The following INTS9 variants were observed in gnomAD, a reference collection of about 807,000 sequenced individuals.
INTS9 encodes the protein protein related to CPSF subunits of 74 kDa.
Under a neutral mutation model 79.7 loss-of-function variants are expected in INTS9, and 55 were observed. The observed-to-expected ratio is 0.69, with a 90% CI of 0.56 to 0.86. The LOEUF (loss-of-function observed/expected upper bound fraction) is 0.86. Among genes scored for constraint, INTS9 ranks in the 40% least tolerant of loss-of-function variants. INTS9 has a pLI of 0.00. For missense variants in INTS9, 721 were observed against 831.5 expected (o/e 0.87, Z 1.64); for synonymous variants, 319 against 325.2 (o/e 0.98, Z 0.20).
At chr8:28,837,339 G>T (rs1314540126) in intron 5 of INTS9, among the ~76,000 whole-genome samples, 5 of 152,084 alleles carry the variant, frequency 3.3e-5, no homozygotes, top group South Asian at 2.1e-4. Context: ...CATCTTTGTG[G>T]CATCTTTCTA....
At chr8:28,785,154 CAGTT>C (rs1585348055) in intron 11 of INTS9, among the ~76,000 whole-genome samples, 3 of 152,240 alleles carry the variant, frequency 2.0e-5, no homozygotes, top group Non-Finnish European at 4.4e-5. Context: ...CACGCAATGT[CAGTT>C]AGTCCAATTA....
chr8:28,800,953 A>T (rs1313665772), intron 8 of INTS9, among the ~76,000 whole-genome samples: 1 of 152,222 alleles, frequency 6.6e-6, no homozygotes, highest in Non-Finnish European at 1.5e-5. Flanking sequence ...GAGGGCCAGT[A>T]AATTGTCCAG....
intron 13 of INTS9, 143 bp from the exon 14 acceptor site, chr8:28,776,069 C>T (rs139056710): frequency 2.3e-4 from 144 of 617,598 alleles, no homozygotes; most frequent in East Asian, 8.0e-4. Flanking sequence ...CTCTCAAGCC[C>T]AATGAACCGT....
intron 10 of INTS9, among the ~76,000 whole-genome samples, chr8:28,793,462 T>C (rs920850817): frequency 6.6e-6 from 1 of 152,182 alleles, no homozygotes; most frequent in African/African-American, 2.4e-5. Context: ...TTAGACAACA[T>C]GAGATTGGGC....
At chr8:28,863,868 G>T (rs1038411117) in intron 1 of INTS9, among the ~76,000 whole-genome samples, 1 of 152,178 alleles carries the variant, frequency 6.6e-6, no homozygotes, top group Non-Finnish European at 1.5e-5. Flanking sequence ...TATCTGCTGT[G>T]GGTATGGAGG....
chr8:28,793,824 G>A lies in INTS9; in HGVS notation c.1020C>T (p.Ser340=), dbSNP rs866219076. The A allele has an allele frequency of 6.2e-7, 1 of 1,608,162 alleles. No individual in the cohort carries two copies. Among genetic ancestry groups the A allele is most frequent in the Non-Finnish European group, 8.5e-7 (1 of 1,177,674 alleles). Residue 340 remains serine, a synonymous_variant, in exon 10 of 17, where the codon TCC becomes TCT. Coordinates refer to ENST00000521022, the MANE Select transcript of INTS9 (RefSeq NM_018250.4). ...GGACATACCACTCAGCAAAGATCTG[G>A]GAAAACTCCAGTGAACTGTTGGCCA... ...SPVANSSLEF[S]QIFAEWLCHN...
At chr8:28,823,811 C>A (rs141687457) in intron 6 of INTS9, among the ~76,000 whole-genome samples, 1 of 152,120 alleles carries the variant, frequency 6.6e-6, no homozygotes, top group South Asian at 2.1e-4. Context: ...TCCTAATAAT[C>A]TTATATGGCC....
At chr8:28,825,413 AC>A (rs1258266559) in intron 6 of INTS9, among the ~76,000 whole-genome samples, 2 of 152,224 alleles carry the variant, frequency 1.3e-5, no homozygotes, top group Admixed American at 1.3e-4. Flanking sequence ...TTAAAGGCTG[AC>A]TAGAAAGTCA....
intron 6 of INTS9, among the ~76,000 whole-genome samples, chr8:28,833,066 AG>A (rs570294273): frequency 9.5e-4 from 144 of 152,366 alleles, no homozygotes; most frequent in African/African-American, 3.4e-3. Context: ...GTGTTACATA[AG>A]TAAAATAAAT....
intron 1 of INTS9, among the ~76,000 whole-genome samples, chr8:28,873,404 A>AT (rs1809196986): frequency 6.6e-6 from 1 of 152,250 alleles, no homozygotes; most frequent in African/African-American, 2.4e-5. Flanking sequence ...CAGGTGACAT[A>AT]TTCAACAATT....
At chr8:28,818,719 A>G (rs940080039) in intron 6 of INTS9, among the ~76,000 whole-genome samples, 15 of 151,942 alleles carry the variant, frequency 9.9e-5, no homozygotes, top group African/African-American at 3.6e-4. Flanking sequence ...ATAGTTTCAG[A>G]AGGAATGGTA....
chr8:28,815,175 A>C (rs774847190), intron 6 of INTS9, among the ~76,000 whole-genome samples: 13 of 152,312 alleles, frequency 8.5e-5, no homozygotes, highest in Middle Eastern at 3.4e-3. Context: ...TATAGCTAAG[A>C]AATGAGAAGA....
chr8:28,789,726 A>C (rs967209091), intron 10 of INTS9, among the ~76,000 whole-genome samples: 1 of 152,136 alleles, frequency 6.6e-6, no homozygotes, highest in African/African-American at 2.4e-5. Context: ...TGTCTGTACA[A>C]AAATTAGCTG....
At chr8:28,835,162 G>A (rs1161901118) in intron 6 of INTS9, 130 bp downstream of exon 6, 2 of 626,618 alleles carry the variant, frequency 3.2e-6, no homozygotes, top group Admixed American at 3.2e-5. Context: ...ACCCTTTCAT[G>A]TATTAGGAAA....
intron 3 of INTS9, 31 bp from the exon 4 acceptor site, chr8:28,846,840 A>T (rs1807546138): frequency 6.5e-7 from 1 of 1,540,884 alleles, no homozygotes; most frequent in African/African-American, 1.4e-5. Context: ...AAATACAAGG[A>T]AGAGATATCC....
intron 1 of INTS9, among the ~76,000 whole-genome samples, chr8:28,872,212 G>C (rs1809134355): frequency 1.3e-5 from 2 of 152,100 alleles, no homozygotes; most frequent in South Asian, 2.1e-4. Context: ...ATTCCACTTA[G>C]GAATTTACAA....
At chr8:28,781,975 C>T (rs879416428) in intron 11 of INTS9, among the ~76,000 whole-genome samples, 6 of 152,158 alleles carry the variant, frequency 3.9e-5, no homozygotes, top group Non-Finnish European at 7.3e-5. Flanking sequence ...CCGTAGCAAA[C>T]GCACCTCTCT....
intron 2 of INTS9, 132 bp downstream of exon 2, chr8:28,859,304 T>C: frequency 2.0e-6 from 2 of 1,011,238 alleles, no homozygotes; most frequent in Non-Finnish European, 2.9e-6. Context: ...GAAATTATTT[T>C]GATAAAGAAC....
chr8:28,800,763 C>T (rs1804470709), intron 8 of INTS9, among the ~76,000 whole-genome samples: 1 of 152,198 alleles, frequency 6.6e-6, no homozygotes, highest in Non-Finnish European at 1.5e-5. Flanking sequence ...GCCTAGTTAA[C>T]TCTGTTCCCC....
Sources: gnomAD v4.1 joint callset for allele counts (sites outside exome capture counted in the v4.1 genomes callset) on GRCh38, gnomAD v4.1.1 for gene constraint, MANE v1.5 for transcripts, NCBI Gene and HGNC (gene_info 2026-07-23, HGNC 2026-07-21) for gene names.